CCDC93: variants seen among roughly 807,000 people sequenced by gnomAD.
CCDC93 encodes coiled-coil domain-containing protein 93.
In CCDC93, 61 loss-of-function variants were observed where a neutral mutation model predicts 108.2. The observed-to-expected ratio is 0.56, with a 90% CI of 0.46 to 0.70. CCDC93 has a LOEUF of 0.70. Ranked by LOEUF, CCDC93 falls within the 30% of genes least tolerant of loss-of-function variation. The probability of loss-of-function intolerance (pLI) is 0.00; values close to 1 mark genes in which losing one functional copy is unlikely to be tolerated. For missense variants in CCDC93, 685 were observed against 764.2 expected (o/e 0.90, Z 1.22); for synonymous variants, 276 against 260.4 (o/e 1.06, Z -0.58).
chr2:118,002,424 G>GC (rs1558804940), intron 3 of CCDC93, among the ~76,000 whole-genome samples: 2 of 152,160 alleles, frequency 1.3e-5, no homozygotes, highest in South Asian at 4.1e-4. Context: ...AGTTAAAACA[G>GC]CCCCCCAGGG....
chr2:117,929,934 G>T (rs904302408), intron 23 of CCDC93, among the ~76,000 whole-genome samples: 1 of 152,186 alleles, frequency 6.6e-6, no homozygotes, highest in Non-Finnish European at 1.5e-5. Flanking sequence ...CTACTTATTT[G>T]TTATGACTTG....
intron 11 of CCDC93, 152 bp from the exon 12 acceptor site, chr2:117,958,633 C>A: frequency 1.6e-6 from 1 of 623,322 alleles, no homozygotes; most frequent in Non-Finnish European, 2.9e-6. Flanking sequence ...ACCTGGCGTA[C>A]AGAAGAGATT....
chr2:118,000,607 T>C (rs1229480954), intron 4 of CCDC93: 2 of 487,920 alleles, frequency 4.1e-6, no homozygotes, highest in East Asian at 6.6e-5. Flanking sequence ...CATTCAAAGA[T>C]CTTATCAGGT....
chr2:117,964,984 G>C (rs1170238508), intron 11 of CCDC93, among the ~76,000 whole-genome samples: 1 of 152,140 alleles, frequency 6.6e-6, no homozygotes, highest in Non-Finnish European at 1.5e-5. Context: ...TATTTATTAT[G>C]AATGAAGCAA....
Position 118,002,502 on chromosome 2 carries a change from C to G in CCDC93, c.252-1570G>C, listed in dbSNP as rs1280993130. 2.0e-5 allele frequency among the ~76,000 whole-genome samples: 3 copies of G among 152,100 alleles called. No homozygotes were observed. In the East Asian group the frequency reaches 5.8e-4, roughly 29 times the overall value. ...TGGAAAATAGCTTCACAAGTTGGGA[C>G]CAAGGTTAAAACTGCTGAGGACAAC... is the stretch of plus-strand genomic sequence containing the variant. On this transcript the variant is annotated intron_variant, in intron 3 of 23. Transcript: ENST00000376300.
intron 11 of CCDC93, among the ~76,000 whole-genome samples, chr2:117,973,410 G>T (rs1679829521): frequency 1.5e-5 from 1 of 68,850 alleles, no homozygotes. Flanking sequence ...CTTTTCTTAG[G>T]ATGGAAAAAA....
At chr2:117,925,649 T>G (rs1440443706) in intron 23 of CCDC93, among the ~76,000 whole-genome samples, 2 of 152,162 alleles carry the variant, frequency 1.3e-5, no homozygotes, top group African/African-American at 4.8e-5. Flanking sequence ...ACAAAGAGAC[T>G]TAGACTACCA....
chr2:118,007,409 C>T (rs960665986), intron 2 of CCDC93, among the ~76,000 whole-genome samples: 6 of 152,330 alleles, frequency 3.9e-5, no homozygotes, highest in African/African-American at 1.2e-4. Flanking sequence ...CGGTGGCTCA[C>T]GCCTGTAATC....
At chr2:117,942,011 C>T (rs1678716982) in intron 18 of CCDC93, among the ~76,000 whole-genome samples, 1 of 152,230 alleles carries the variant, frequency 6.6e-6, no homozygotes, top group African/African-American at 2.4e-5. Context: ...CCTGCTTTGC[C>T]TGCAGCAGCA....
At position 117,936,655 on chromosome 2, in the gene CCDC93, C is replaced by T. The variant is rs202184815; in HGVS notation, c.1643+47G>A. On this transcript the variant is annotated intron_variant, in intron 21 of 23. Transcript: ENST00000376300. ...AATGTGAGGTGGGCTGAATTCAAAG[C>T]GCAGGCCGGCAGGGTATTAGTGGGA... 3,242 of 1,507,002 alleles carry T rather than the reference C, an allele frequency of 2.2e-3. 31 individuals are homozygous for T. Among genetic ancestry groups the T allele is most frequent in the Middle Eastern group, 0.015 (88 of 5,868 alleles). 93.4% of individuals were successfully genotyped at this position (1,507,002 alleles called of 1,614,324 possible).
chr2:118,010,775 TTAAC>T (rs1430803389), intron 1 of CCDC93, among the ~76,000 whole-genome samples: 7 of 152,184 alleles, frequency 4.6e-5, no homozygotes, highest in South Asian at 2.1e-4. Context: ...GGTTCATCCT[TTAAC>T]TACCCCAAAA....
chr2:117,927,252 G>A (rs1322453406), intron 23 of CCDC93, among the ~76,000 whole-genome samples: 1 of 152,090 alleles, frequency 6.6e-6, no homozygotes, highest in African/African-American at 2.4e-5. Flanking sequence ...TCAACATAGT[G>A]TTGGAAGTTC....
chr2:117,984,021 C>T (rs1378372744), intron 7 of CCDC93, among the ~76,000 whole-genome samples: 1 of 152,030 alleles, frequency 6.6e-6, no homozygotes, highest in Non-Finnish European at 1.5e-5. Flanking sequence ...CCAATCTGAG[C>T]CTCTTTATAG....
At chr2:117,936,649 T>A in intron 21 of CCDC93, 53 bp downstream of exon 21, 2 of 1,455,294 alleles carry the variant, frequency 1.4e-6, no homozygotes, top group Non-Finnish European at 1.9e-6. Flanking sequence ...TGGGCTGAAT[T>A]CAAAGCGCAG....
intron 11 of CCDC93, among the ~76,000 whole-genome samples, chr2:117,971,567 C>T (rs1285535983): frequency 6.6e-6 from 1 of 152,196 alleles, no homozygotes; most frequent in African/African-American, 2.4e-5. Context: ...TTCATTTAAT[C>T]TTCCCAACAC....
intron 11 of CCDC93, among the ~76,000 whole-genome samples, chr2:117,966,594 T>C (rs922253127): frequency 1.3e-5 from 2 of 152,354 alleles, no homozygotes; most frequent in East Asian, 3.9e-4. Context: ...GATTGCATCA[T>C]AAAGTGGAAT....
At chr2:117,958,295 C>A in intron 12 of CCDC93, 70 bp downstream of exon 12, 1 of 989,140 alleles carries the variant, frequency 1.0e-6, no homozygotes, top group South Asian at 1.3e-5. Flanking sequence ...TGCCAACCCC[C>A]GTTCTGGAAT....
chr2:117,984,744 G>C (rs1198843494), intron 7 of CCDC93, among the ~76,000 whole-genome samples: 1 of 152,124 alleles, frequency 6.6e-6, no homozygotes, highest in Non-Finnish European at 1.5e-5. Flanking sequence ...CACAGAGATT[G>C]TCTCTCCAGC....
chr2:117,947,839 G>A (rs569357865), intron 15 of CCDC93, among the ~76,000 whole-genome samples: 89 of 152,008 alleles, frequency 5.9e-4, no homozygotes, highest in Non-Finnish European at 9.9e-4. Flanking sequence ...GACTACAGGC[G>A]CCAGCCACCA....
Sources: allele counts gnomAD v4.1 joint callset (sites outside exome capture counted in the v4.1 genomes callset), GRCh38; gene constraint gnomAD v4.1.1; transcripts MANE v1.5; gene names NCBI Gene and HGNC (gene_info 2026-07-23, HGNC 2026-07-21).